The following MYO9A variants were observed in gnomAD, a reference collection of about 807,000 sequenced individuals.
MYO9A encodes myosin IXA, also known as unconventional myosin-IXa.
In MYO9A, 103 loss-of-function variants were observed where a neutral mutation model predicts 293.3. That is an observed-to-expected ratio of 0.35 (90% confidence interval 0.30 to 0.41). MYO9A has a LOEUF of 0.41. Among genes scored for constraint, MYO9A ranks in the 10% least tolerant of loss-of-function variants. MYO9A has a pLI of 1.00. For synonymous variants in MYO9A, 1,001 were observed against 1,035.7 expected, an observed-to-expected ratio of 0.97 and a Z score of 0.64; for missense variants, 2,685 against 3,033.0, an observed-to-expected ratio of 0.89 and a Z score of 2.69.
At chr15:71,915,423 ATTTC>A (rs1462910973) in intron 19 of MYO9A, among the ~76,000 whole-genome samples, 3 of 146,036 alleles carry the variant, frequency 2.1e-5, no homozygotes, top group Non-Finnish European at 1.5e-5. Flanking sequence ...TTGCTTTTTC[ATTTC>A]TTTTTTTTTT....
chr15:71,938,363 C>T (rs1439042091), intron 16 of MYO9A, among the ~76,000 whole-genome samples: 1 of 146,936 alleles, frequency 6.8e-6, no homozygotes, highest in Non-Finnish European at 1.5e-5. Context: ...ATTTTATGAA[C>T]TCATAAAATT....
At chr15:72,071,691 G>C (rs1003995802) in intron 1 of MYO9A, among the ~76,000 whole-genome samples, 13 of 152,020 alleles carry the variant, frequency 8.6e-5, no homozygotes, top group African/African-American at 3.1e-4. Context: ...GGAGACAGAG[G>C]CTGCAGTGAG....
intron 2 of MYO9A, among the ~76,000 whole-genome samples, chr15:72,035,476 G>A (rs987509559): frequency 6.6e-6 from 1 of 152,156 alleles, no homozygotes; most frequent in African/African-American, 2.4e-5. Flanking sequence ...CAACCTGGAT[G>A]AATTTCAAAG....
rs75482213 is a variant in MYO9A at position 71,903,236 on chromosome 15, G to T, written c.2878-173C>A. On this transcript the variant is annotated intron_variant, in intron 21 of 41. Coordinates refer to ENST00000356056, the MANE Select transcript of MYO9A (RefSeq NM_006901.4). ...GTTAATTCGGAAAACATAGGAGGTGGAGAAAGATATTGGGTTCTACATATC... is the reference window on the plus strand; with the variant it reads ...GTTAATTCGGAAAACATAGGAGGTGTAGAAAGATATTGGGTTCTACATATC... Among the ~76,000 whole-genome samples the T allele has an allele frequency of 2.6e-3, 397 of 152,262 alleles. 1 individual carries two copies. Among genetic ancestry groups the T allele is most frequent in the African/African-American group, 8.9e-3 (368 of 41,546 alleles).
chr15:71,876,202 A>G (rs1010443675), intron 31 of MYO9A, among the ~76,000 whole-genome samples: 1 of 148,796 alleles, frequency 6.7e-6, no homozygotes, highest in African/African-American at 2.5e-5. Context: ...TTGGAGTGCA[A>G]TTGGTGCAGT....
intron 1 of MYO9A, among the ~76,000 whole-genome samples, chr15:72,113,825 G>A (rs2080869791): frequency 6.6e-6 from 1 of 152,136 alleles, no homozygotes; most frequent in Admixed American, 6.5e-5. Flanking sequence ...AAAGAGCTGA[G>A]CCAAATCTGG....
intron 12 of MYO9A, among the ~76,000 whole-genome samples, chr15:71,976,676 T>C (rs2076155011): frequency 6.6e-6 from 1 of 152,222 alleles, no homozygotes; most frequent in African/African-American, 2.4e-5. Context: ...ACAATAATTA[T>C]GTTGGGGCAT....
intron 19 of MYO9A, among the ~76,000 whole-genome samples, chr15:71,911,702 T>C (rs1189480304): frequency 3.9e-5 from 6 of 152,238 alleles, no homozygotes; most frequent in African/African-American, 7.2e-5. Context: ...TACAGGTCCA[T>C]GCATAAACAT....
chr15:72,040,680 T>C (rs1596452236), intron 2 of MYO9A, among the ~76,000 whole-genome samples: 1 of 152,300 alleles, frequency 6.6e-6, no homozygotes, highest in African/African-American at 2.4e-5. Flanking sequence ...ACTGCAACCT[T>C]TGCCTCCCGA....
intron 1 of MYO9A, among the ~76,000 whole-genome samples, chr15:72,056,947 T>C (rs902595881): frequency 6.6e-6 from 1 of 152,112 alleles, no homozygotes; most frequent in Admixed American, 6.5e-5. Flanking sequence ...CTGTCTTTAC[T>C]AAAAGTACAA....
At chr15:71,872,473 T>G (rs1030487457) in intron 32 of MYO9A, among the ~76,000 whole-genome samples, 1 of 152,188 alleles carries the variant, frequency 6.6e-6, no homozygotes, top group African/African-American at 2.4e-5. Context: ...AGAGAGGACT[T>G]GCTATGTTCC....
intron 15 of MYO9A, among the ~76,000 whole-genome samples, chr15:71,947,619 C>G (rs985237221): frequency 1.6e-4 from 24 of 152,022 alleles, no homozygotes; most frequent in African/African-American, 5.8e-4. Context: ...GCATTTAATT[C>G]CATTTTGATC....
chr15:72,016,556 T>C (rs2077344946), intron 6 of MYO9A, among the ~76,000 whole-genome samples: 1 of 152,226 alleles, frequency 6.6e-6, no homozygotes, highest in South Asian at 2.1e-4. Flanking sequence ...CTACCTATGA[T>C]GCTAGTCACA....
At chr15:71,878,450 G>A (rs1180447780) in intron 30 of MYO9A, among the ~76,000 whole-genome samples, 2 of 152,108 alleles carry the variant, frequency 1.3e-5, no homozygotes, top group African/African-American at 2.4e-5. Flanking sequence ...TAAAAAACCT[G>A]ACGGTAATAA....
chr15:71,977,812 T>C (rs924855183), intron 12 of MYO9A, among the ~76,000 whole-genome samples: 5 of 151,984 alleles, frequency 3.3e-5, no homozygotes, highest in Non-Finnish European at 5.9e-5. Context: ...CCAAGGCAGG[T>C]GGATCATGAG....
At chr15:71,866,421 T>C (rs1461107082) in intron 32 of MYO9A, among the ~76,000 whole-genome samples, 1 of 152,108 alleles carries the variant, frequency 6.6e-6, no homozygotes, top group Admixed American at 6.5e-5. Flanking sequence ...TCTGAGCTAC[T>C]AGGGAGGGTA....
intron 34 of MYO9A, among the ~76,000 whole-genome samples, chr15:71,858,134 T>C (rs1242835906): frequency 2.6e-5 from 4 of 152,278 alleles, no homozygotes; most frequent in South Asian, 2.1e-4. Context: ...TGTGGAGAAA[T>C]AGGAACACTT....
chr15:71,886,897 T>G (rs1044580947), intron 27 of MYO9A, among the ~76,000 whole-genome samples: 1 of 152,118 alleles, frequency 6.6e-6, no homozygotes, highest in African/African-American at 2.4e-5. Flanking sequence ...TGCTCTGGAT[T>G]TGGATTACCT....
intron 1 of MYO9A, among the ~76,000 whole-genome samples, chr15:72,050,053 G>A (rs1443462720): frequency 6.6e-6 from 1 of 152,076 alleles, no homozygotes; most frequent in African/African-American, 2.4e-5. Context: ...AATCACACCT[G>A]CTCCTTCCTG....
Sources: gnomAD v4.1 joint callset for allele counts (sites outside exome capture counted in the v4.1 genomes callset) on GRCh38, gnomAD v4.1.1 for gene constraint, MANE v1.5 for transcripts, NCBI Gene and HGNC (gene_info 2026-07-23, HGNC 2026-07-21) for gene names.